The following TRAPPC9 variants were observed in gnomAD, a reference collection of about 807,000 sequenced individuals.
TRAPPC9 encodes trafficking protein particle complex subunit 9, also known as IKK2 binding protein.
TRAPPC9 carries 83 observed loss-of-function variants against 124.0 expected under a neutral mutation model. That is an observed-to-expected ratio of 0.67 (90% CI 0.56 to 0.80). The LOEUF is 0.80. TRAPPC9 is among the 30% of genes least tolerant of loss of function. The pLI is 0.00. For synonymous variants in TRAPPC9, 638 were observed against 617.5 expected (o/e 1.03, Z -0.49); for missense variants, 1,302 against 1,508.3 (o/e 0.86, Z 2.27).
intron 17 of TRAPPC9, among the ~76,000 whole-genome samples, chr8:140,200,085 G>C (rs2062753362): frequency 6.6e-6 from 1 of 152,188 alleles, no homozygotes; most frequent in Non-Finnish European, 1.5e-5. Flanking sequence ...TCAACGAAGA[G>C]TAGCTGGTGG....
intron 3 of TRAPPC9, among the ~76,000 whole-genome samples, 170 bp from the exon 4 acceptor site, chr8:140,435,410 T>C (rs2070780463): frequency 1.3e-5 from 2 of 152,236 alleles, no homozygotes. Context: ...AGATCAAACC[T>C]AAAGATCACT....
Position 140,364,870 on chromosome 8 carries a change from C to G in TRAPPC9, c.1352-4677G>C, listed in dbSNP as rs144706347. On this transcript the variant is annotated intron_variant, in intron 8 of 22. Transcript: ENST00000438773. ...TACAGGCATGAGCCACCATACCTGG[C>G]CACTCTTAGCCTTTTAAAATGTAAA... Among the ~76,000 whole-genome samples, 146 of 152,118 alleles carry G rather than the reference C, an allele frequency of 9.6e-4. 4 individuals carry two copies. In the East Asian group the frequency reaches 0.023, roughly 24 times the overall value.
intron 14 of TRAPPC9, among the ~76,000 whole-genome samples, chr8:140,277,944 G>A (rs539786082): frequency 6.6e-6 from 1 of 152,284 alleles, no homozygotes; most frequent in African/African-American, 2.4e-5. Flanking sequence ...CTGTGTTGAG[G>A]GAGCCCCTGG....
At chr8:140,334,801 G>C (rs982850811) in intron 9 of TRAPPC9, among the ~76,000 whole-genome samples, 3 of 152,080 alleles carry the variant, frequency 2.0e-5, no homozygotes, top group Non-Finnish European at 4.4e-5. Flanking sequence ...GAGGGAATCG[G>C]ATAGGTAAAT....
intron 17 of TRAPPC9, among the ~76,000 whole-genome samples, chr8:140,196,122 G>A (rs1331483060): frequency 3.1e-5 from 2 of 64,562 alleles, no homozygotes; most frequent in Non-Finnish European, 6.1e-5. Flanking sequence ...GATCACACCT[G>A]TGACACTGAA....
Position 140,060,462 on chromosome 8 carries a change from A to T in TRAPPC9, c.2557-36383T>A, listed in dbSNP as rs183656022. Among the ~76,000 whole-genome samples, 5 of 152,148 alleles carry T rather than the reference A, an allele frequency of 3.3e-5. No homozygotes were observed. In the East Asian group the frequency reaches 9.7e-4, roughly 29 times the overall value. On this transcript the variant is annotated intron_variant, in intron 17 of 22. Transcript: ENST00000438773. ...CCTTTTTCTCTAATGTTCTGCCCCA[A>T]ATTTCAGCCCCTTGGCCTCCTGCAC...
intron 19 of TRAPPC9, among the ~76,000 whole-genome samples, chr8:139,985,688 A>C (rs1434118209): frequency 6.6e-6 from 1 of 152,032 alleles, no homozygotes; most frequent in East Asian, 1.9e-4. Context: ...AGCAGCCCAA[A>C]CAGGACCTGC....
chr8:139,784,544 A>G (rs950243749), intron 21 of TRAPPC9, among the ~76,000 whole-genome samples: 1 of 150,302 alleles, frequency 6.7e-6, no homozygotes, highest in African/African-American at 2.4e-5. Flanking sequence ...ATTGCACTCC[A>G]GCCTGGGCAA....
At chr8:139,870,305 GT>G (rs1828817638) in intron 21 of TRAPPC9, among the ~76,000 whole-genome samples, 1 of 152,134 alleles carries the variant, frequency 6.6e-6, no homozygotes, top group Non-Finnish European at 1.5e-5. Context: ...GACCATGAAC[GT>G]ACCAGGAGAA....
At chr8:140,219,887 C>T (rs2063295812) in intron 17 of TRAPPC9, among the ~76,000 whole-genome samples, 1 of 152,202 alleles carries the variant, frequency 6.6e-6, no homozygotes, top group African/African-American at 2.4e-5. Context: ...AAAGAAACAG[C>T]CCTGCAGTTT....
At chr8:140,236,065 G>A (rs895635657) in intron 16 of TRAPPC9, among the ~76,000 whole-genome samples, 2 of 147,070 alleles carry the variant, frequency 1.4e-5, no homozygotes, top group African/African-American at 5.0e-5. Flanking sequence ...ACAAAAGAAA[G>A]TACACTGTAT....
At chr8:139,859,002 C>T (rs369781487) in intron 21 of TRAPPC9, among the ~76,000 whole-genome samples, 9 of 150,750 alleles carry the variant, frequency 6.0e-5, no homozygotes, top group African/African-American at 7.3e-5. Context: ...TGAGATGTCA[C>T]GTCTTCATGG....
At chr8:140,275,926 A>C in intron 14 of TRAPPC9, 105 bp from the exon 15 acceptor site, 1 of 934,586 alleles carries the variant, frequency 1.1e-6, no homozygotes, top group Non-Finnish European at 1.7e-6. Context: ...TGCATTTCAG[A>C]AACAGGGGCT....
chr8:139,898,236 G>C (rs1277116257), intron 20 of TRAPPC9, among the ~76,000 whole-genome samples: 1 of 152,206 alleles, frequency 6.6e-6, no homozygotes, highest in Admixed American at 6.5e-5. Flanking sequence ...CTTGGCTCTG[G>C]GCCCCGTGCC....
chr8:140,076,054 C>T (rs1173826301), intron 17 of TRAPPC9, among the ~76,000 whole-genome samples: 5 of 152,224 alleles, frequency 3.3e-5, no homozygotes, highest in Non-Finnish European at 7.4e-5. Context: ...TTGTAAACCT[C>T]AGGCCAGTCC....
chr8:140,139,758 C>T (rs1036717400), intron 17 of TRAPPC9, among the ~76,000 whole-genome samples: 2 of 152,066 alleles, frequency 1.3e-5, no homozygotes, highest in South Asian at 2.1e-4. Flanking sequence ...TGGGGAGGAA[C>T]GGACAGTGAA....
chr8:139,786,503 T>G (rs1822262484), intron 21 of TRAPPC9, among the ~76,000 whole-genome samples: 1 of 151,624 alleles, frequency 6.6e-6, no homozygotes, highest in South Asian at 2.1e-4. Flanking sequence ...GTTTGGAAGC[T>G]TCTTAAAAAA....
Position 140,438,701 on chromosome 8 carries a change from TA to T in TRAPPC9, c.730+350del, listed in dbSNP as rs1487035986. Among the ~76,000 whole-genome samples, 6 of 152,224 alleles carry T rather than the reference TA, an allele frequency of 3.9e-5. No individual in the cohort carries two copies. The East Asian group carries it at 1.2e-3, about 29-fold the overall frequency. On this transcript the variant is annotated intron_variant, in intron 3 of 22. Transcript: ENST00000438773. ...TCTCATTTCTTTTTTTATTTTATTT[TA>T]TTTTTTTTTGAGATGGAGTCTCGCT... is the stretch of plus-strand genomic sequence containing the variant.
At chr8:140,278,163 G>C (rs2065186887) in intron 14 of TRAPPC9, among the ~76,000 whole-genome samples, 1 of 152,084 alleles carries the variant, frequency 6.6e-6, no homozygotes, top group Non-Finnish European at 1.5e-5. Flanking sequence ...GAGAGCAGTG[G>C]CACAATCTCC....
Sources: allele counts gnomAD v4.1 joint callset (sites outside exome capture counted in the v4.1 genomes callset), GRCh38; gene constraint gnomAD v4.1.1; transcripts MANE v1.5; gene names NCBI Gene and HGNC (gene_info 2026-07-23, HGNC 2026-07-21).